Variants in CEP192 observed in about 807,000 individuals in gnomAD.
The protein encoded by CEP192 is centrosomal protein of 192 kDa.
A neutral mutation model predicts 271.8 loss-of-function variants in CEP192; 151 were observed. The observed-to-expected ratio is 0.56, with a 90% CI of 0.49 to 0.64. CEP192 has a LOEUF of 0.64. CEP192 is among the 30% of genes least tolerant of loss of function. The pLI is 0.00. For missense variants in CEP192, 2,910 were observed against 3,020.5 expected (o/e 0.96, Z 0.86); for synonymous variants, 995 against 1,076.5 (o/e 0.92, Z 1.48).
At chr18:13,079,985 A>T (rs1378721181) in intron 30 of CEP192, among the ~76,000 whole-genome samples, 1 of 151,992 alleles carries the variant, frequency 6.6e-6, no homozygotes, top group African/African-American at 2.4e-5. Context: ...GTTCTGTTCC[A>T]CTGGTCTGTA....
At chr18:13,124,462 G>A (rs2040814046) in intron 44 of CEP192, 170 bp from the exon 45 acceptor site, 3 of 547,184 alleles carry the variant, frequency 5.5e-6, no homozygotes, top group Non-Finnish European at 6.0e-6. Context: ...TCTCTCCTTT[G>A]TGTTATTTTC....
intron 30 of CEP192, among the ~76,000 whole-genome samples, chr18:13,080,227 C>A (rs1485692937): frequency 2.0e-5 from 3 of 152,144 alleles, no homozygotes; most frequent in African/African-American, 7.2e-5. Flanking sequence ...TTACCTTGGG[C>A]AGTGTGGCCA....
In CEP192 at chr18:13,124,931, A is replaced by G; in HGVS notation, c.*161A>G. Reference sequence around the variant, plus strand: ...CTAATACTGAAGACTCGACTGAAATATTATGTATCTAGCCCATAGTATTGT... The same window carrying G: ...CTAATACTGAAGACTCGACTGAAATGTTATGTATCTAGCCCATAGTATTGT... On this transcript the variant is annotated 3_prime_UTR_variant, in exon 45 of 45. Transcript: ENST00000506447. 1.7e-6 allele frequency: 1 copy of G among 579,028 alleles called. No homozygotes were observed. The highest frequency in any genetic ancestry group is 3.0e-6 in the Non-Finnish European group (1 of 332,232). The allele number at this position is 579,028 out of a possible 1,614,324, so 35.9% of individuals were successfully genotyped here. A position where few individuals can be genotyped will look rare whatever the true frequency, so the allele number is the denominator to read the frequency against.
At chr18:13,091,528 A>G (rs927584571) in intron 33 of CEP192, among the ~76,000 whole-genome samples, 1 of 152,226 alleles carries the variant, frequency 6.6e-6, no homozygotes, top group African/African-American at 2.4e-5. Flanking sequence ...TTGCTTGAGC[A>G]TGTTACTATT....
At chr18:13,058,862 G>C (rs1233954934) in intron 20 of CEP192, 3 of 549,640 alleles carry the variant, frequency 5.5e-6, no homozygotes, top group Non-Finnish European at 9.8e-6. Context: ...GGTGGACTGG[G>C]GAGACAGCCT....
chr18:13,084,051 G>T (rs181691534), intron 30 of CEP192, among the ~76,000 whole-genome samples: 5 of 152,190 alleles, frequency 3.3e-5, no homozygotes, highest in Admixed American at 1.3e-4. Flanking sequence ...GCTGGGAGGT[G>T]TCTCCCAGCT....
chr18:13,053,204 T>C, intron 18 of CEP192, 114 bp downstream of exon 18: 2 of 862,434 alleles, frequency 2.3e-6, no homozygotes, highest in South Asian at 4.2e-5. Context: ...TGCTCTTTTA[T>C]CTTTAAAATG....
chr18:13,107,070 A>ATG (rs146766136), intron 40 of CEP192, among the ~76,000 whole-genome samples: 72 of 151,826 alleles, frequency 4.7e-4, no homozygotes, highest in East Asian at 1.5e-3. Context: ...AACAGATGTT[A>ATG]TGTGTGTGTG....
chr18:13,056,320 C>A lies in CEP192; in HGVS notation c.3730C>A (p.Pro1244Thr). Residue 1244 changes from proline to threonine, a missense_variant, in exon 19 of 45, where the codon CCT (proline) becomes ACT (threonine). Transcript: ENST00000506447. ...CTCTGTGGCTGACATGCAGAACATG[C>A]CTGCTGCTGTGCACGCACTCTTGAC... is the stretch of plus-strand genomic sequence containing the variant. ...HSSVADMQNM[P>T]AAVHALLTQP... 1.2e-6 allele frequency: 2 copies of A among 1,613,932 alleles called. No homozygotes were observed. The highest frequency in any genetic ancestry group is 2.2e-5 in the South Asian group (2 of 91,076).
intron 9 of CEP192, among the ~76,000 whole-genome samples, chr18:13,019,959 C>T (rs913385995): frequency 2.6e-5 from 4 of 151,810 alleles, no homozygotes; most frequent in African/African-American, 7.3e-5. Context: ...ATTACAGGCG[C>T]ACATCACCAC....
At chr18:13,005,022 TGTG>T (rs780885801) in intron 3 of CEP192, among the ~76,000 whole-genome samples, 25 of 152,040 alleles carry the variant, frequency 1.6e-4, no homozygotes, top group Non-Finnish European at 2.1e-4. Context: ...ATCATATAGT[TGTG>T]GTACTAGAGG....
intron 38 of CEP192, among the ~76,000 whole-genome samples, chr18:13,100,963 T>G (rs566082483): frequency 2.2e-4 from 33 of 152,232 alleles, no homozygotes; most frequent in Non-Finnish European, 4.4e-4. Flanking sequence ...AGGATAAATT[T>G]AGTAATTCCT....
At chr18:13,100,096 T>C (rs1385014650) in intron 37 of CEP192, among the ~76,000 whole-genome samples, 1 of 152,180 alleles carries the variant, frequency 6.6e-6, no homozygotes, top group Non-Finnish European at 1.5e-5. Context: ...ATTACTGATT[T>C]TCGAAATTTG....
At chr18:12,999,709 A>C in intron 2 of CEP192, 121 bp downstream of exon 2, 2 of 572,802 alleles carry the variant, frequency 3.5e-6, no homozygotes, top group Non-Finnish European at 5.5e-6. Flanking sequence ...GGATGGCCAA[A>C]TATGTGAAAT....
rs550877313 is a variant in CEP192 at position 13,124,043 on chromosome 18, C to G, written c.7476-589C>G. Among the ~76,000 whole-genome samples the G allele has an allele frequency of 3.7e-4, 56 of 152,156 alleles. 1 individual carries two copies. The South Asian group carries it at 0.011, about 31-fold the overall frequency. Reference sequence around the variant, plus strand: ...GGTGCGGTGATGGGCGCCTGTAATCCCAGCTACTCAGGAGGCTGAGGCAGG... The same window carrying G: ...GGTGCGGTGATGGGCGCCTGTAATCGCAGCTACTCAGGAGGCTGAGGCAGG... On this transcript the variant is annotated intron_variant, in intron 44 of 44. Transcript: ENST00000506447.
chr18:13,003,592 G>T (rs967445942), intron 3 of CEP192, among the ~76,000 whole-genome samples: 5 of 152,148 alleles, frequency 3.3e-5, no homozygotes, highest in African/African-American at 7.2e-5. Context: ...AGCCCATGTG[G>T]TTCACAGAGC....
intron 12 of CEP192, among the ~76,000 whole-genome samples, chr18:13,037,705 G>T: frequency 6.6e-6 from 1 of 152,146 alleles, no homozygotes; most frequent in Non-Finnish European, 1.5e-5. Flanking sequence ...GCAGGCATGT[G>T]CTACCATGCC....
intron 4 of CEP192, 137 bp downstream of exon 4, chr18:13,008,768 A>T: frequency 1.6e-6 from 1 of 634,580 alleles, no homozygotes; most frequent in Non-Finnish European, 2.7e-6. Flanking sequence ...CAGTGGCGTG[A>T]TCACAGCTCA....
At chr18:13,009,179 A>G (rs1203686742) in intron 4 of CEP192, among the ~76,000 whole-genome samples, 3 of 152,118 alleles carry the variant, frequency 2.0e-5, no homozygotes, top group Non-Finnish European at 4.4e-5. Context: ...ATCTTGTACT[A>G]TCATACCATG....
Sources: gnomAD v4.1 joint callset for allele counts (sites outside exome capture counted in the v4.1 genomes callset) on GRCh38, gnomAD v4.1.1 for gene constraint, MANE v1.5 for transcripts, NCBI Gene and HGNC (gene_info 2026-07-23, HGNC 2026-07-21) for gene names.